The following CMTM7 variants were observed in gnomAD, a reference collection of about 807,000 sequenced individuals.
The protein encoded by CMTM7 is CKLF-like MARVEL transmembrane domain-containing protein 7.
Under a neutral mutation model 19.3 loss-of-function variants are expected in CMTM7, and 7 were observed. That is an observed-to-expected ratio of 0.36 (90% CI 0.21 to 0.68). The LOEUF is 0.68. Among genes scored for constraint, CMTM7 ranks in the 30% least tolerant of loss-of-function variants. CMTM7 has a pLI of 0.60. For synonymous variants in CMTM7, 87 were observed against 99.3 expected, an observed-to-expected ratio of 0.88 and a Z score of 0.74; for missense variants, 193 against 232.6, an observed-to-expected ratio of 0.83 and a Z score of 1.11.
In CMTM7 at chr3:32,441,865, G is replaced by C. The variant is rs751108343; in HGVS notation, c.185G>C (p.Cys62Ser). Residue 62 changes from cysteine to serine, a missense_variant, in exon 2 of 5, where the codon TGT becomes TCT. Coordinates refer to ENST00000334983, the MANE Select transcript of CMTM7 (RefSeq NM_138410.4). ...GTCACCCTGCTGATTGCCTTCATCT[G>C]TGTGCGGAGCTCCCTGTGGACCAAC... ...QMVTLLIAFI[C>S]VRSSLWTNYS... 5 of 1,614,194 alleles carry C rather than the reference G, an allele frequency of 3.1e-6. No individual in the cohort carries two copies. The East Asian group carries it at 1.1e-4, about 36-fold the overall frequency.
intron 1 of CMTM7, among the ~76,000 whole-genome samples, chr3:32,424,799 C>G (rs1262984597): frequency 6.6e-6 from 1 of 152,182 alleles, no homozygotes; most frequent in Non-Finnish European, 1.5e-5. Flanking sequence ...GTGTGCGCCA[C>G]TGCACCCAGC....
chr3:32,406,261 G>T (rs973189608), intron 1 of CMTM7, among the ~76,000 whole-genome samples: 1 of 152,110 alleles, frequency 6.6e-6, no homozygotes, highest in Non-Finnish European at 1.5e-5. Context: ...ACTGACAGCC[G>T]TTTAGGGTAT....
chr3:32,424,985 G>A (rs973273704), intron 1 of CMTM7, among the ~76,000 whole-genome samples: 1 of 152,056 alleles, frequency 6.6e-6, no homozygotes, highest in African/African-American at 2.4e-5. Context: ...AGAGGCCAGA[G>A]GCAAAAAACG....
intron 1 of CMTM7, among the ~76,000 whole-genome samples, chr3:32,406,554 T>C (rs1156889047): frequency 1.3e-5 from 2 of 152,154 alleles, no homozygotes; most frequent in Non-Finnish European, 2.9e-5. Context: ...TGCTCTCATA[T>C]CCCACTCAAA....
chr3:32,419,803 A>G (rs1443122115), intron 1 of CMTM7, among the ~76,000 whole-genome samples: 1 of 152,174 alleles, frequency 6.6e-6, no homozygotes, highest in Non-Finnish European at 1.5e-5. Flanking sequence ...GGTTTTTGAT[A>G]GCCTGGAGTT....
chr3:32,451,590 G>C (rs1465559128), intron 3 of CMTM7: 1 of 166,568 alleles, frequency 6.0e-6, no homozygotes, highest in African/African-American at 2.4e-5. Flanking sequence ...CCCTGGTAGG[G>C]ATGTAGTAAA....
At chr3:32,411,839 G>A (rs1443927048) in intron 1 of CMTM7, among the ~76,000 whole-genome samples, 1 of 152,242 alleles carries the variant, frequency 6.6e-6, no homozygotes, top group Non-Finnish European at 1.5e-5. Context: ...AACACTTTGG[G>A]AGGCCGAGGC....
chr3:32,411,960 C>A (rs1696182986), intron 1 of CMTM7, among the ~76,000 whole-genome samples: 1 of 152,158 alleles, frequency 6.6e-6, no homozygotes, highest in Non-Finnish European at 1.5e-5. Context: ...GAGAAGAGAA[C>A]AGTCTCTGCA....
chr3:32,425,493 GAAAAA>G (rs5847764), intron 1 of CMTM7, among the ~76,000 whole-genome samples: 1 of 147,588 alleles, frequency 6.8e-6, no homozygotes, highest in South Asian at 2.1e-4. Flanking sequence ...GACTTTCCAG[GAAAAA>G]AAAAAAAATA....
intron 1 of CMTM7, among the ~76,000 whole-genome samples, chr3:32,398,162 ACC>A (rs1695947257): frequency 6.6e-6 from 1 of 152,162 alleles, no homozygotes; most frequent in Non-Finnish European, 1.5e-5. Flanking sequence ...TAATCTTCCC[ACC>A]CCAGACATTT....
chr3:32,407,299 G>T (rs950152102), intron 1 of CMTM7, among the ~76,000 whole-genome samples: 1 of 152,180 alleles, frequency 6.6e-6, no homozygotes, highest in South Asian at 2.1e-4. Context: ...TAAGATTTTT[G>T]ATGTTACTTT....
At position 32,429,234 on chromosome 3, in the gene CMTM7, T is replaced by TC. The variant is rs994966027; in HGVS notation, c.160-12601dup. 1.4e-4 allele frequency among the ~76,000 whole-genome samples: 21 copies of TC among 151,922 alleles called. 1 individual carries two copies. The highest frequency in any genetic ancestry group is 6.6e-5 in the Admixed American group (1 of 15,232). On this transcript the variant is annotated intron_variant, in intron 1 of 4. Coordinates refer to ENST00000334983, the MANE Select transcript of CMTM7 (RefSeq NM_138410.4). ...ATGACTGCAAATCTGAATCCTTTTT[T>TC]CCCCCTCCCCTCTTTTGTCTTAATG...
chr3:32,436,532 CTCCTGGGGATT>C (rs1247392313), intron 1 of CMTM7, among the ~76,000 whole-genome samples: 2 of 152,296 alleles, frequency 1.3e-5, no homozygotes, highest in East Asian at 1.9e-4. Flanking sequence ...TGGCTTTCAT[CTCCTGGGGATT>C]TCCTGGAAAG....
chr3:32,433,067 G>T (rs983566570), intron 1 of CMTM7, among the ~76,000 whole-genome samples: 6 of 152,212 alleles, frequency 3.9e-5, no homozygotes, highest in Non-Finnish European at 7.3e-5. Context: ...AAGAAACCAG[G>T]AAATTGCGTC....
At chr3:32,434,613 T>C (rs1575121459) in intron 1 of CMTM7, among the ~76,000 whole-genome samples, 2 of 151,084 alleles carry the variant, frequency 1.3e-5, no homozygotes, top group East Asian at 1.9e-4. Context: ...TTTCTTTTTT[T>C]TTTTTTTTTA....
chr3:32,427,801 C>T (rs1466508324), intron 1 of CMTM7, among the ~76,000 whole-genome samples: 2 of 152,158 alleles, frequency 1.3e-5, no homozygotes, highest in Non-Finnish European at 2.9e-5. Context: ...TAGAAGCAGA[C>T]GTTGGAAAGG....
At chr3:32,404,941 G>A (rs933576111) in intron 1 of CMTM7, among the ~76,000 whole-genome samples, 1 of 152,232 alleles carries the variant, frequency 6.6e-6, no homozygotes, top group African/African-American at 2.4e-5. Context: ...CCTTCCCAAA[G>A]GGAGAGAGTC....
intron 1 of CMTM7, among the ~76,000 whole-genome samples, chr3:32,433,579 A>G (rs187062650): frequency 1.3e-5 from 2 of 152,106 alleles, no homozygotes; most frequent in East Asian, 3.9e-4. Context: ...TCCAAAAGTC[A>G]CCTCTTCTCC....
At position 32,429,443 on chromosome 3, in the gene CMTM7, G is replaced by A. The variant is rs1194023165; in HGVS notation, c.160-12397G>A. Among the ~76,000 whole-genome samples the A allele has an allele frequency of 2.6e-5, 4 of 151,606 alleles. No homozygotes were observed. In the East Asian group the frequency reaches 7.8e-4, roughly 29 times the overall value. ...CGAGTAGCTGGGACTACAGGCATGC[G>A]TCACCATACCTAGCTAATTTTTATG... On this transcript the variant is annotated intron_variant, in intron 1 of 4. Transcript: ENST00000334983.
Sources: allele counts gnomAD v4.1 joint callset (sites outside exome capture counted in the v4.1 genomes callset), GRCh38; gene constraint gnomAD v4.1.1; transcripts MANE v1.5; gene names NCBI Gene and HGNC (gene_info 2026-07-23, HGNC 2026-07-21).